Variants in DAB1 observed in about 807,000 individuals in gnomAD.
DAB1 encodes the protein DAB adaptor protein 1.
DAB1 carries 15 observed loss-of-function variants against 64.6 expected under a neutral mutation model. That is an observed-to-expected ratio of 0.23 (90% CI 0.16 to 0.36). The LOEUF (loss-of-function observed/expected upper bound fraction) is 0.36. Among genes scored for constraint, DAB1 ranks in the 10% least tolerant of loss-of-function variants. The pLI, the probability that DAB1 is intolerant of heterozygous loss-of-function variation, is 1.00. For missense variants in DAB1, 596 were observed against 706.7 expected (o/e 0.84, Z 1.78); for synonymous variants, 235 against 251.9 (o/e 0.93, Z 0.64).
At chr1:58,179,808 G>A (rs180946822) in intron 4 of DAB1, among the ~76,000 whole-genome samples, 53 of 150,136 alleles carry the variant, frequency 3.5e-4, no homozygotes, top group Admixed American at 6.6e-4. Flanking sequence ...CTACTTTTTT[G>A]TTTTTCTGTT....
chr1:57,471,353 A>G (rs1290962349), intron 7 of DAB1, among the ~76,000 whole-genome samples: 4 of 152,200 alleles, frequency 2.6e-5, no homozygotes, highest in Admixed American at 1.3e-4. Context: ...GTCTTAACCA[A>G]AAGTGAAGAA....
chr1:57,856,487 G>A (rs1398482912), intron 1 of DAB1, among the ~76,000 whole-genome samples: 3 of 152,148 alleles, frequency 2.0e-5, no homozygotes, highest in African/African-American at 4.8e-5. Flanking sequence ...ATTGTGCCAG[G>A]CGCAGTGGCT....
At chr1:57,979,269 A>G (rs1279259988) in intron 5 of DAB1, among the ~76,000 whole-genome samples, 1 of 152,216 alleles carries the variant, frequency 6.6e-6, no homozygotes, top group African/African-American at 2.4e-5. Flanking sequence ...TTGCGGGGAC[A>G]TGGATGAAGC....
intron 5 of DAB1, among the ~76,000 whole-genome samples, chr1:58,050,280 G>A (rs1373121171): frequency 1.3e-5 from 2 of 152,130 alleles, no homozygotes; most frequent in African/African-American, 2.4e-5. Flanking sequence ...AAAGAGCATG[G>A]AGCTATTGGA....
chr1:57,036,605 T>A (rs1647161879), intron 9 of DAB1, among the ~76,000 whole-genome samples: 1 of 152,244 alleles, frequency 6.6e-6, no homozygotes, highest in Non-Finnish European at 1.5e-5. Flanking sequence ...TTCTAATTCA[T>A]TTATATTAAA....
intron 14 of DAB1, among the ~76,000 whole-genome samples, chr1:57,002,034 CAT>C (rs1645887730): frequency 6.6e-6 from 1 of 152,136 alleles, no homozygotes; most frequent in Admixed American, 6.5e-5. Context: ...AGAATGAAGA[CAT>C]GTGTGAGTAA....
intron 4 of DAB1, among the ~76,000 whole-genome samples, chr1:58,341,803 T>G (rs2794651): frequency 0.25 from 38,164 of 152,064 alleles, 4,916 homozygotes; most frequent in African/African-American, 0.29. Context: ...AAGAAATTAT[T>G]TCTAAGGTGA....
intron 6 of DAB1, among the ~76,000 whole-genome samples, chr1:57,685,491 G>C (rs919618794): frequency 6.6e-6 from 1 of 152,142 alleles, no homozygotes; most frequent in African/African-American, 2.4e-5. Flanking sequence ...CATTGACAGT[G>C]TTAGATCAAC....
chr1:57,641,233 T>C (rs1646123443), intron 7 of DAB1, among the ~76,000 whole-genome samples: 1 of 152,116 alleles, frequency 6.6e-6, no homozygotes, highest in African/African-American at 2.4e-5. Context: ...AGCTTTCTTC[T>C]TCATACAAAT....
At position 57,815,305 on chromosome 1, in the gene DAB1, T is replaced by A. The variant is rs958650721; in HGVS notation, n.551+68694A>T. Reference sequence around the variant, plus strand: ...GGATGTTCTCGATCTCCTGACCTCGTGATCTGCCCGCCTCAGCCTCCCAAA... The same window carrying A: ...GGATGTTCTCGATCTCCTGACCTCGAGATCTGCCCGCCTCAGCCTCCCAAA... On this transcript the variant is annotated intron_variant and non_coding_transcript_variant, in intron 6 of 20. Transcript: ENST00000485760. 2.6e-5 allele frequency among the ~76,000 whole-genome samples: 4 copies of A among 152,068 alleles called. 1 individual carries two copies. The highest frequency in any genetic ancestry group is 2.6e-4 in the Admixed American group (4 of 15,272).
At chr1:58,177,011 CTG>C (rs1267528076) in intron 4 of DAB1, among the ~76,000 whole-genome samples, 1 of 151,518 alleles carries the variant, frequency 6.6e-6, no homozygotes, top group Non-Finnish European at 1.5e-5. Flanking sequence ...CCTCTCAACA[CTG>C]TTACAATGGT....
At chr1:58,513,291 A>C (rs183749233) in intron 2 of DAB1, among the ~76,000 whole-genome samples, 62 of 152,270 alleles carry the variant, frequency 4.1e-4, no homozygotes, top group South Asian at 1.9e-3. Flanking sequence ...CATGATTATA[A>C]GTTTCCTGAG....
intron 4 of DAB1, among the ~76,000 whole-genome samples, chr1:58,236,791 T>TC (rs1261216255): frequency 6.6e-6 from 1 of 152,218 alleles, no homozygotes; most frequent in South Asian, 2.1e-4. Context: ...CAAACCAAGC[T>TC]CCTAATGCCA....
chr1:58,134,343 C>A (rs1441222041), intron 5 of DAB1, among the ~76,000 whole-genome samples: 2 of 152,082 alleles, frequency 1.3e-5, no homozygotes, highest in African/African-American at 2.4e-5. Context: ...TTTGAAGTTT[C>A]TTTTATAAGC....
chr1:57,094,144 T>C (rs529206698), intron 4 of DAB1, among the ~76,000 whole-genome samples: 1 of 149,416 alleles, frequency 6.7e-6, no homozygotes, highest in South Asian at 2.1e-4. Flanking sequence ...GGAGTTGACA[T>C]CTTCAAAACT....
intron 4 of DAB1, among the ~76,000 whole-genome samples, chr1:58,290,903 C>A (rs926908941): frequency 4.6e-5 from 7 of 151,996 alleles, no homozygotes; most frequent in Admixed American, 3.3e-4. Context: ...AGCTGCAGAC[C>A]CGAGGGTCAG....
At chr1:57,618,140 C>T (rs1000194233) in intron 7 of DAB1, among the ~76,000 whole-genome samples, 3 of 152,098 alleles carry the variant, frequency 2.0e-5, no homozygotes, top group Non-Finnish European at 4.4e-5. Context: ...GAAGACTGGG[C>T]GCGGTGGCTC....
chr1:57,415,385 G>A (rs1684418908), intron 1 of DAB1, among the ~76,000 whole-genome samples: 1 of 151,684 alleles, frequency 6.6e-6, no homozygotes, highest in South Asian at 2.1e-4. Flanking sequence ...CATGACATCA[G>A]AGTGGGAAAA....
chr1:58,080,594 G>A (rs965702639), intron 5 of DAB1, among the ~76,000 whole-genome samples: 3 of 152,222 alleles, frequency 2.0e-5, no homozygotes, highest in Admixed American at 6.5e-5. Context: ...TCAACTTGAA[G>A]CTCCAAGTCA....
Sources: gnomAD v4.1 joint callset for allele counts (sites outside exome capture counted in the v4.1 genomes callset) on GRCh38, gnomAD v4.1.1 for gene constraint, MANE v1.5 for transcripts, NCBI Gene and HGNC (gene_info 2026-07-23, HGNC 2026-07-21) for gene names.